Variants in KCNJ6 observed in about 807,000 individuals in gnomAD.
KCNJ6 encodes the protein potassium inwardly rectifying channel subfamily J member 6.
A neutral mutation model predicts 34.2 loss-of-function variants in KCNJ6; 9 were observed. The observed-to-expected ratio is 0.26, with a 90% CI of 0.16 to 0.46. KCNJ6 has a LOEUF of 0.46. KCNJ6 is among the 20% of genes least tolerant of loss of function. The pLI, the probability that KCNJ6 is intolerant of heterozygous loss-of-function variation, is 1.00. For missense variants in KCNJ6, 236 were observed against 531.3 expected (o/e 0.44, Z 5.46); for synonymous variants, 196 against 207.1 (o/e 0.95, Z 0.46).
In KCNJ6 at chr21:37,714,966, T is replaced by C. The variant is rs2123452050; in HGVS notation, c.191A>G (p.Asn64Ser). Residue 64 changes from asparagine to serine, a missense_variant, in exon 3 of 4, where the codon AAT (asparagine) becomes AGT (serine). Asn to Ser is a conservative substitution (Grantham distance 46). Around this residue, in one of 5 missense-constraint regions of KCNJ6, gnomAD observed 68 missense variants for 165.7 expected, o/e 0.41. Coordinates refer to ENST00000609713, the MANE Select transcript of KCNJ6 (RefSeq NM_002240.5). This position sits in a 1 kb window ranked among gnomAD's most constrained non-coding sequence, Gnocchi z 5.9. ...QRYVRKDGKC[N>S]VHHGNVRETY... The stretch of plus-strand genomic sequence containing the variant: ...CTCCCTCACGTTGCCGTGATGAACA[T>C]TGCACTTTCCGTCTTTCCTCACGTA... 2 of 1,614,220 alleles carry C rather than the reference T, an allele frequency of 1.2e-6. No individual in the cohort carries two copies. The highest frequency in any genetic ancestry group is 1.7e-6 in the Non-Finnish European group (2 of 1,180,044).
intron 3 of KCNJ6, among the ~76,000 whole-genome samples, chr21:37,679,792 A>C (rs2054582742): frequency 6.6e-6 from 1 of 152,240 alleles, no homozygotes; most frequent in Non-Finnish European, 1.5e-5. Context: ...CTAAATCCTC[A>C]GGGCCACCTT....
intron 1 of KCNJ6, among the ~76,000 whole-genome samples, chr21:37,851,371 C>G (rs1224811404): frequency 2.6e-5 from 4 of 152,158 alleles, no homozygotes; most frequent in African/African-American, 9.7e-5. Flanking sequence ...TCATCTGTGT[C>G]AATAGTTATA....
chr21:37,719,676 GTTTC>G (rs2054814170), intron 2 of KCNJ6: 1 of 152,114 alleles, frequency 6.6e-6, no homozygotes, highest in Admixed American at 6.5e-5. Context: ...CCTCTCTTTT[GTTTC>G]TTTCTCCTTC....
intron 1 of KCNJ6, among the ~76,000 whole-genome samples, chr21:37,854,878 A>G (rs1487478180): frequency 1.3e-5 from 2 of 152,266 alleles, no homozygotes; most frequent in Non-Finnish European, 2.9e-5. Flanking sequence ...AAAAACTGAT[A>G]GAACTGAAAG....
chr21:37,901,986 T>C (rs911599409), intron 1 of KCNJ6, among the ~76,000 whole-genome samples: 9 of 152,186 alleles, frequency 5.9e-5, no homozygotes, highest in Admixed American at 4.6e-4. Context: ...AAACCTGATA[T>C]AGAGAGAAGT....
intron 3 of KCNJ6, among the ~76,000 whole-genome samples, chr21:37,698,244 T>A (rs2123434168): frequency 6.6e-6 from 1 of 152,338 alleles, no homozygotes; most frequent in East Asian, 1.9e-4. Context: ...CAAATACACA[T>A]GCAAATGATC....
At position 37,863,846 on chromosome 21, in the gene KCNJ6, G is replaced by GTTTTTTTTTTTTTTTTTTTTTTTTT. The variant is rs772060420; in HGVS notation, c.-27-23138_-27-23137insAAAAAAAAAAAAAAAAAAAAAAAAA. ...CTTTAAGCAATTTTAAAATATAAAG[G>GTTTTTTTTTTTTTTTTTTTTTTTTT]TTTTTTTTTTTTTGTTTTTTTTTTT... is the stretch of plus-strand genomic sequence containing the variant. On this transcript the variant is annotated intron_variant, in intron 1 of 3. Coordinates refer to ENST00000609713, the MANE Select transcript of KCNJ6 (RefSeq NM_002240.5). Among the ~76,000 whole-genome samples, 7 of 97,066 alleles carry GTTTTTTTTTTTTTTTTTTTTTTTTT rather than the reference G, an allele frequency of 7.2e-5. 1 individual carries two copies. The highest frequency in any genetic ancestry group is 9.9e-5 in the Non-Finnish European group (5 of 50,732). 63.7% of individuals were successfully genotyped at this position (97,066 alleles called of 152,430 possible).
chr21:37,830,677 G>A (rs1405494096), intron 2 of KCNJ6, among the ~76,000 whole-genome samples: 1 of 152,174 alleles, frequency 6.6e-6, no homozygotes, highest in Non-Finnish European at 1.5e-5. Context: ...ACCAAGTAAG[G>A]GACATTCATC....
chr21:37,665,065 G>C lies in KCNJ6; in HGVS notation c.947-39581C>G, dbSNP rs1168449259. Among the ~76,000 whole-genome samples, 7 of 152,094 alleles carry C rather than the reference G, an allele frequency of 4.6e-5. No individual in the cohort carries two copies. The South Asian group carries it at 1.5e-3, about 32-fold the overall frequency. Reference sequence around the variant, plus strand: ...CCTGCCTCAGCCTCCCAAAGTGCTGGGATTACAGACATGAGCCACCACGCC... The same window carrying C: ...CCTGCCTCAGCCTCCCAAAGTGCTGCGATTACAGACATGAGCCACCACGCC... On this transcript the variant is annotated intron_variant, in intron 3 of 3. Coordinates refer to ENST00000609713, the MANE Select transcript of KCNJ6 (RefSeq NM_002240.5).
intron 2 of KCNJ6, among the ~76,000 whole-genome samples, chr21:37,739,671 T>G (rs951228553): frequency 1.3e-5 from 2 of 152,152 alleles, no homozygotes; most frequent in African/African-American, 4.8e-5. Flanking sequence ...CGTGTCAGCT[T>G]TCTGCACACC....
intron 3 of KCNJ6, among the ~76,000 whole-genome samples, chr21:37,655,179 TTGTGTGTGTGTGTGTGTGTG>T (rs369378573): frequency 4.2e-5 from 1 of 23,992 alleles, no homozygotes; most frequent in Non-Finnish European, 8.2e-5. Context: ...CTCTAGACAT[TTGTGTGTGTGTGTGTGTGTG>T]TGTGTGTGTG....
At chr21:37,884,160 C>A (rs1416522950) in intron 1 of KCNJ6, among the ~76,000 whole-genome samples, 6 of 152,206 alleles carry the variant, frequency 3.9e-5, no homozygotes, top group Admixed American at 1.3e-4. Flanking sequence ...ATTCTTGATT[C>A]TCTAGTATGT....
chr21:37,631,999 A>T (rs965476037), intron 3 of KCNJ6, among the ~76,000 whole-genome samples: 1 of 152,056 alleles, frequency 6.6e-6, no homozygotes, highest in Non-Finnish European at 1.5e-5. Context: ...TTACCCTAAG[A>T]GTGGCCCCGA....
intron 3 of KCNJ6, among the ~76,000 whole-genome samples, chr21:37,671,279 C>A (rs962444184): frequency 6.6e-6 from 1 of 152,190 alleles, no homozygotes; most frequent in South Asian, 2.1e-4. Context: ...TATCATTACT[C>A]ATGCCTACAT....
At chr21:37,629,062 A>G (rs1160881933) in intron 3 of KCNJ6, among the ~76,000 whole-genome samples, 1 of 152,194 alleles carries the variant, frequency 6.6e-6, no homozygotes, top group Non-Finnish European at 1.5e-5. Context: ...CTAAAATAAA[A>G]AGACACTAGA....
chr21:37,722,031 T>C (rs2054829389), intron 2 of KCNJ6, among the ~76,000 whole-genome samples: 2 of 152,220 alleles, frequency 1.3e-5, no homozygotes, highest in Admixed American at 1.3e-4. Flanking sequence ...ATAATATGAT[T>C]CTATACCTAA....
intron 3 of KCNJ6, among the ~76,000 whole-genome samples, chr21:37,656,563 G>A (rs903236202): frequency 9.2e-5 from 14 of 152,192 alleles, no homozygotes; most frequent in Non-Finnish European, 1.9e-4. Context: ...TCCTCTCCCA[G>A]CCTCCCCATG....
chr21:37,623,876 C>G lies in KCNJ6; in HGVS notation c.*1283G>C, dbSNP rs2054299402. On this transcript the variant is annotated 3_prime_UTR_variant, in exon 4 of 4. Transcript: ENST00000609713. ...TAAGCCCCAGGGACAGGCGAGATGT[C>G]ATTCTCAGAAAGCCAGATAGAGTCA... The G allele has an allele frequency of 6.6e-6, 1 of 152,210 alleles. No individual in the cohort carries two copies. Among genetic ancestry groups the G allele is most frequent in the African/African-American group, 2.4e-5 (1 of 41,458 alleles). The allele number at this position is 152,210 out of a possible 1,614,324, so 9.4% of individuals were successfully genotyped here. A position where few individuals can be genotyped will look rare whatever the true frequency, so the allele number is the denominator to read the frequency against.
intron 1 of KCNJ6, among the ~76,000 whole-genome samples, chr21:37,898,587 G>GAAAAAAAAAAAAAA: frequency 1.1e-5 from 1 of 89,066 alleles, no homozygotes. Flanking sequence ...CATCTCAAAA[G>GAAAAAAAAAAAAAA]AAAAAAAAAA....
Sources: gnomAD v4.1 joint callset for allele counts (sites outside exome capture counted in the v4.1 genomes callset) on GRCh38, gnomAD v4.1.1 for gene constraint, gnomAD v4.1.1 regional missense constraint, Gnocchi (gnomAD v3.1) non-coding constraint, MANE v1.5 for transcripts, NCBI Gene and HGNC (gene_info 2026-07-23, HGNC 2026-07-21) for gene names.